The following PAK4 variants were observed in gnomAD, a reference collection of about 807,000 sequenced individuals.
PAK4 encodes the protein serine/threonine-protein kinase PAK 4.
PAK4 carries 49 observed loss-of-function variants against 53.5 expected under a neutral mutation model. The observed-to-expected ratio is 0.92, with a 90% CI of 0.73 to 1.16. The LOEUF (loss-of-function observed/expected upper bound fraction) is 1.16. Ranked by LOEUF, PAK4 falls within the 50% of genes most tolerant of loss-of-function variation. PAK4 has a pLI of 0.00. For missense variants in PAK4, 824 were observed against 850.7 expected, an observed-to-expected ratio of 0.97 and a Z score of 0.39; for synonymous variants, 376 against 375.6, an observed-to-expected ratio of 1.00 and a Z score of -0.01.
intron 1 of PAK4, among the ~76,000 whole-genome samples, chr19:39,132,759 C>G (rs778617050): frequency 2.0e-5 from 3 of 152,232 alleles, no homozygotes; most frequent in Non-Finnish European, 2.9e-5. Context: ...GTCTGGCTCA[C>G]ACTCCCACCC....
At chr19:39,165,552 A>AAAT (rs1555778763) in intron 1 of PAK4, among the ~76,000 whole-genome samples, 37,659 of 140,344 alleles carry the variant, frequency 0.27, 5,796 homozygotes, top group Non-Finnish European at 0.35. Context: ...ATAAATAAAT[A>AAAT]AAATAATAAT....
At chr19:39,179,014 C>T (rs2074668416) in exon 9 of PAK4, 1 of 154,158 alleles carries the variant, frequency 6.5e-6, no homozygotes. Context: ...CAAGGGGTGT[C>T]TGGCGCCTTG....
intron 1 of PAK4, among the ~76,000 whole-genome samples, chr19:39,149,722 G>C (rs1347651200): frequency 6.6e-6 from 1 of 152,140 alleles, no homozygotes; most frequent in Admixed American, 6.5e-5. Flanking sequence ...TGGGCGTGGT[G>C]GTGGGCGCCT....
downstream of PAK4, chr19:39,180,862 A>C (rs2074692967): frequency 6.6e-6 from 1 of 152,254 alleles, no homozygotes; most frequent in Non-Finnish European, 1.5e-5. Flanking sequence ...GACCCAGATA[A>C]GGACGGCAAA....
chr19:39,133,336 C>T (rs1329449070), intron 1 of PAK4, among the ~76,000 whole-genome samples: 1 of 152,208 alleles, frequency 6.6e-6, no homozygotes, highest in Non-Finnish European at 1.5e-5. Context: ...ATAGCTATGT[C>T]ACCAATAGCC....
intron 7 of PAK4, 142 bp from the exon 9 acceptor site, chr19:39,177,533 C>A: frequency 1.2e-6 from 1 of 810,194 alleles, no homozygotes; most frequent in Non-Finnish European, 1.8e-6. Flanking sequence ...GGACTGCTGG[C>A]TGGGTGCCCA....
chr19:39,144,274 G>A lies in PAK4; in HGVS notation c.-23+18355G>A, dbSNP rs74363373. ...TCTGATACACTCGCCGTGTGACTGA[G>A]GGCTGACATGTCTTCTCTCTGAGCT... On this transcript the variant is annotated intron_variant, in intron 1 of 8. Transcript: ENST00000358301. Among the ~76,000 whole-genome samples, 97 of 152,294 alleles carry A rather than the reference G, an allele frequency of 6.4e-4. 1 individual carries two copies. The East Asian group carries it at 0.017, about 26-fold the overall frequency.
chr19:39,177,717 G>T, exon 8 of PAK4: 14 of 1,613,648 alleles, frequency 8.7e-6, no homozygotes, highest in Non-Finnish European at 1.2e-5. Flanking sequence ...TGAGATGGTG[G>T]ACGGAGAGCC....
chr19:39,141,556 T>C (rs1376854791), intron 1 of PAK4, among the ~76,000 whole-genome samples: 1 of 152,134 alleles, frequency 6.6e-6, no homozygotes. Context: ...CCTCAAGTGA[T>C]ATAACCATCT....
intron 1 of PAK4, chr19:39,135,245 C>T (rs1261027221): frequency 6.6e-6 from 1 of 151,898 alleles, no homozygotes; most frequent in Non-Finnish European, 1.5e-5. Context: ...GGCTGAGCCC[C>T]TCATGTTATT....
At chr19:39,155,663 C>T (rs1176055557) in intron 1 of PAK4, among the ~76,000 whole-genome samples, 3 of 152,246 alleles carry the variant, frequency 2.0e-5, no homozygotes, top group Middle Eastern at 3.4e-3. Context: ...TTCTTCTGTT[C>T]CTGAACGGGG....
chr19:39,163,019 G>A (rs904033815), intron 1 of PAK4, among the ~76,000 whole-genome samples: 1 of 152,172 alleles, frequency 6.6e-6, no homozygotes, highest in Non-Finnish European at 1.5e-5. Flanking sequence ...AAGGTTTGGA[G>A]GCAGGAATGG....
rs750531325 is a variant in PAK4 at position 39,134,107 on chromosome 19, C to T, written c.-23+8188C>T. On this transcript the variant is annotated intron_variant, in intron 1 of 8. Transcript: ENST00000358301. ...CTCCATAGTTCTGTCGTCCCTTCCCCGCAAATCTTCCACTGCAGCCTGGGC... is the reference window on the plus strand; with the variant it reads ...CTCCATAGTTCTGTCGTCCCTTCCCTGCAAATCTTCCACTGCAGCCTGGGC... Among the ~76,000 whole-genome samples, 9 of 152,332 alleles carry T rather than the reference C, an allele frequency of 5.9e-5. No individual in the cohort carries two copies. In the East Asian group the frequency reaches 7.7e-4, roughly 13 times the overall value.
At chr19:39,153,395 A>T (rs773733269) in intron 1 of PAK4, among the ~76,000 whole-genome samples, 1 of 152,168 alleles carries the variant, frequency 6.6e-6, no homozygotes, top group Non-Finnish European at 1.5e-5. Context: ...AGTAGCTGGA[A>T]TTACAGGCAT....
chr19:39,145,272 G>A (rs1226937655), intron 1 of PAK4, among the ~76,000 whole-genome samples: 2 of 152,216 alleles, frequency 1.3e-5, no homozygotes, highest in East Asian at 3.9e-4. Context: ...CTGGCCCTGC[G>A]TCTGCTTCCC....
rs764226391 is a variant in PAK4, at chr19:39,175,418, C to T, written c.1339C>T (p.Leu447=). 1 of 1,611,650 alleles carries T rather than the reference C, an allele frequency of 6.2e-7. No homozygotes were observed. The highest frequency in any genetic ancestry group is 1.3e-5 in the African/African-American group (1 of 74,878). Residue 447 remains leucine (L), a synonymous_variant, in exon 6 of 9, where the codon CTG becomes TTG. Coordinates refer to ENST00000358301, the Ensembl canonical transcript of PAK4. The surrounding 1 kb of genome is among the most constrained non-coding windows in gnomAD (Gnocchi z 4.7). ...CCGGGACATCAAGAGCGACTCGATC[C>T]TGCTGACCCATGATGGCAGGGTGAG...
Position 39,178,388 on chromosome 19 carries a change from A to G in PAK4, c.1621-36A>G, listed in dbSNP as rs763905753. The G allele has an allele frequency of 7.3e-5, 113 of 1,554,738 alleles. No individual in the cohort carries two copies. The highest frequency in any genetic ancestry group is 9.4e-5 in the Non-Finnish European group (108 of 1,150,342). Reference sequence around the variant, plus strand: ...GCCCTACAGCAAATGAACAGTGGGGAGCCTCGCCCCCTGACCCTCCCCTCC... The same window carrying G: ...GCCCTACAGCAAATGAACAGTGGGGGGCCTCGCCCCCTGACCCTCCCCTCC... On this transcript the variant is annotated intron_variant, in intron 8 of 8. Transcript: ENST00000358301. The surrounding 1 kb of genome is among the most constrained non-coding windows in gnomAD (Gnocchi z 4.4).
chr19:39,134,622 CAG>C (rs1453821712), intron 1 of PAK4, among the ~76,000 whole-genome samples: 1 of 151,736 alleles, frequency 6.6e-6, no homozygotes, highest in African/African-American at 2.4e-5. Context: ...TTCTTTGACA[CAG>C]AGTCTCGCTC....
chr19:39,181,676 CT>C (rs1282820634), downstream of PAK4: 2 of 152,318 alleles, frequency 1.3e-5, no homozygotes, highest in Non-Finnish European at 2.9e-5. Flanking sequence ...AGGCGTCCGC[CT>C]GGAGCGGAAC....
Sources: gnomAD v4.1 joint callset for allele counts (sites outside exome capture counted in the v4.1 genomes callset) on GRCh38, gnomAD v4.1.1 for gene constraint, Gnocchi (gnomAD v3.1) non-coding constraint, MANE v1.5 for transcripts, NCBI Gene and HGNC (gene_info 2026-07-23, HGNC 2026-07-21) for gene names.